Variants in PRPF6 observed in about 807,000 individuals in gnomAD.
PRPF6 encodes pre-mRNA processing factor 6.
PRPF6 carries 42 observed loss-of-function variants against 118.3 expected under a neutral mutation model. That is an observed-to-expected ratio of 0.35 (90% CI 0.28 to 0.46). The LOEUF (loss-of-function observed/expected upper bound fraction) is 0.46. PRPF6 is among the 20% of genes least tolerant of loss of function. The pLI, the probability that PRPF6 is intolerant of heterozygous loss-of-function variation, is 1.00. For synonymous variants in PRPF6, 481 were observed against 485.1 expected, an observed-to-expected ratio of 0.99 and a Z score of 0.11; for missense variants, 662 against 1,255.7, an observed-to-expected ratio of 0.53 and a Z score of 7.15.
At chr20:64,015,474 G>A (rs187494788) in intron 11 of PRPF6, among the ~76,000 whole-genome samples, 37 of 152,350 alleles carry the variant, frequency 2.4e-4, no homozygotes, top group African/African-American at 7.2e-4. Context: ...ATGTGGCTCC[G>A]GTTGCACTTT....
rs2059065441 is a variant in PRPF6, at chr20:63,981,324, C to T, written c.71+8C>T. On this transcript the variant is annotated splice_region_variant and intron_variant, in intron 1 of 20. Transcript: ENST00000266079. ...GCCGGGGCTGGGCCGGGGGTGAGGC[C>T]TGGGGCGGCGCGCGAGGGGCGGGGA... The T allele has an allele frequency of 5.1e-6, 8 of 1,577,794 alleles. No homozygotes were observed. The highest frequency in any genetic ancestry group is 1.3e-5 in the African/African-American group (1 of 74,146).
rs1358263870 is a variant in PRPF6, at chr20:63,999,049, CT to C, written c.777del (p.Asp260ThrfsTer3). 1 of 1,613,084 alleles carries C rather than the reference CT, an allele frequency of 6.2e-7. No homozygotes were observed. The highest frequency in any genetic ancestry group is 1.7e-5 in the Admixed American group (1 of 59,958). On this transcript the variant is annotated frameshift_variant, in exon 7 of 21. Coordinates refer to ENST00000266079, the MANE Select transcript of PRPF6 (RefSeq NM_012469.4). LOFTEE classifies it high-confidence loss of function. ...TLMDMRLSQV[S>X]DSVSGQTVVD... Reference sequence around the variant, plus strand: ...TTAGCTTGGCCTGTCTCACAGGTGTCTGACTCCGTGAGTGGACAGACCGTCG... The same window carrying C: ...TTAGCTTGGCCTGTCTCACAGGTGTCGACTCCGTGAGTGGACAGACCGTCG...
intron 2 of PRPF6, 103 bp downstream of exon 2, chr20:63,983,318 A>G (rs1017290619): frequency 7.0e-7 from 1 of 1,422,744 alleles, no homozygotes; most frequent in Non-Finnish European, 9.9e-7. Context: ...GGAGTGGCTC[A>G]TGCATTTAAA....
At chr20:64,003,494 G>A (rs2059176697) in intron 9 of PRPF6, among the ~76,000 whole-genome samples, 3 of 152,210 alleles carry the variant, frequency 2.0e-5, no homozygotes, top group Admixed American at 1.3e-4. Context: ...TGTGATGCAT[G>A]TTCCCCCGAC....
At chr20:64,002,596 A>G (rs1442095816) in intron 9 of PRPF6, among the ~76,000 whole-genome samples, 3 of 151,292 alleles carry the variant, frequency 2.0e-5, no homozygotes, top group Non-Finnish European at 4.4e-5. Flanking sequence ...TTGGCCTCCC[A>G]AAGTGCAGGG....
intron 4 of PRPF6, among the ~76,000 whole-genome samples, chr20:63,994,643 C>T (rs1484857022): frequency 6.6e-6 from 1 of 152,126 alleles, no homozygotes; most frequent in African/African-American, 2.4e-5. Flanking sequence ...TGGTGGCCCA[C>T]GCTTGTGGTC....
chr20:63,990,706 G>A (rs939346499), intron 3 of PRPF6, among the ~76,000 whole-genome samples: 1 of 149,932 alleles, frequency 6.7e-6, no homozygotes, highest in African/African-American at 2.5e-5. Context: ...GTGCAATGGC[G>A]CAACCTCGGC....
intron 6 of PRPF6, among the ~76,000 whole-genome samples, chr20:63,995,987 A>T (rs80150989): frequency 0.038 from 5,753 of 152,136 alleles, 151 homozygotes; most frequent in Non-Finnish European, 0.05. Flanking sequence ...ATAATTTTTT[A>T]AAAAGTGTGT....
At chr20:63,999,255 A>G in intron 7 of PRPF6, 116 bp downstream of exon 7, 2 of 875,164 alleles carry the variant, frequency 2.3e-6, no homozygotes, top group Non-Finnish European at 3.8e-6. Context: ...TAAGAAATGT[A>G]AAGTGGAGTA....
chr20:64,027,539 G>A lies in PRPF6; in HGVS notation c.2206-64G>A. 6.2e-7 allele frequency: 1 copy of A among 1,610,396 alleles called. No individual in the cohort carries two copies. Among genetic ancestry groups the A allele is most frequent in the Non-Finnish European group, 8.5e-7 (1 of 1,176,952 alleles). ...TCACCCACTGCAGATGAGAAGCTGG[G>A]CATGGCTGTGTCCCAGTTCTTCATA... On this transcript the variant is annotated intron_variant, in intron 16 of 20. Transcript: ENST00000266079. The surrounding 1 kb of genome is among the most constrained non-coding windows in gnomAD (Gnocchi z 6.5).
rs1180780613 is a variant in PRPF6 at position 64,026,337 on chromosome 20, T to A, written c.2028+279T>A. 6.8e-6 allele frequency among the ~76,000 whole-genome samples: 1 copy of A among 147,628 alleles called. No individual in the cohort carries two copies. Among genetic ancestry groups the A allele is most frequent in the African/African-American group, 2.5e-5 (1 of 39,378 alleles). ...GCCTGACCAACATGGAGAAACCCCG[T>A]CTCTACTAAAAATACAAAATTAGCC... On this transcript the variant is annotated intron_variant, in intron 15 of 20. Transcript: ENST00000266079. This position sits in a 1 kb window ranked among gnomAD's most constrained non-coding sequence, Gnocchi z 4.4.
chr20:63,992,090 T>G (rs968306702), intron 3 of PRPF6, among the ~76,000 whole-genome samples: 1 of 151,926 alleles, frequency 6.6e-6, no homozygotes, highest in Non-Finnish European at 1.5e-5. Context: ...TGTAGGTGTT[T>G]TTTTGTTTTG....
chr20:64,009,279 CAAAAAAAAAA>C (rs59045216), intron 9 of PRPF6, among the ~76,000 whole-genome samples: 4 of 38,234 alleles, frequency 1.0e-4, no homozygotes, highest in African/African-American at 9.6e-5. Flanking sequence ...GACTCCATCG[CAAAAAAAAAA>C]AAAAAAAAAA....
chr20:64,020,754 T>A (rs1314448547), intron 12 of PRPF6, among the ~76,000 whole-genome samples: 2 of 152,096 alleles, frequency 1.3e-5, no homozygotes, highest in African/African-American at 4.8e-5. Context: ...TTAATGTAAC[T>A]TTTTATCGTG....
intron 6 of PRPF6, among the ~76,000 whole-genome samples, 199 bp from the exon 7 acceptor site, chr20:63,998,841 CAAAAA>C (rs543676271): frequency 9.6e-6 from 1 of 103,800 alleles, no homozygotes; most frequent in Non-Finnish European, 2.0e-5. Context: ...GACTCCATCT[CAAAAA>C]AAAAAAAAAA....
intron 14 of PRPF6, among the ~76,000 whole-genome samples, chr20:64,025,512 T>C (rs995459703): frequency 2.0e-4 from 30 of 152,198 alleles, no homozygotes; most frequent in Middle Eastern, 3.2e-3. Context: ...CTCCTGCCCA[T>C]GTGGGCTCAT....
At chr20:64,021,867 G>T (rs2059267282) in intron 12 of PRPF6, among the ~76,000 whole-genome samples, 1 of 147,630 alleles carries the variant, frequency 6.8e-6, no homozygotes, top group Admixed American at 6.7e-5. Flanking sequence ...GTATGCATGT[G>T]CCTCGGCCAC....
chr20:64,019,409 A>T (rs2059253353), intron 12 of PRPF6, among the ~76,000 whole-genome samples: 1 of 152,028 alleles, frequency 6.6e-6, no homozygotes, highest in Non-Finnish European at 1.5e-5. Flanking sequence ...TTATTTTGTC[A>T]TCTCTTTCAC....
At chr20:63,991,775 T>C (rs2059119800) in intron 3 of PRPF6, among the ~76,000 whole-genome samples, 1 of 151,124 alleles carries the variant, frequency 6.6e-6, no homozygotes, top group South Asian at 2.1e-4. Flanking sequence ...GGTGACAGAG[T>C]GAGACTGTCT....
Sources: allele counts gnomAD v4.1 joint callset (sites outside exome capture counted in the v4.1 genomes callset), GRCh38; gene constraint gnomAD v4.1.1; non-coding constraint Gnocchi (gnomAD v3.1); transcripts MANE v1.5; gene names NCBI Gene and HGNC (gene_info 2026-07-23, HGNC 2026-07-21).